ABCB4: variants seen among roughly 807,000 people sequenced by gnomAD.
The protein encoded by ABCB4 is ATP binding cassette subfamily B member 4, also known as phosphatidylcholine translocator ABCB4.
ABCB4 carries 76 observed loss-of-function variants against 145.7 expected under a neutral mutation model. The observed-to-expected ratio is 0.52, with a 90% CI of 0.43 to 0.63. ABCB4 has a LOEUF of 0.63. Among genes scored for constraint, ABCB4 ranks in the 30% least tolerant of loss-of-function variants. The pLI, the probability that ABCB4 is intolerant of heterozygous loss-of-function variation, is 0.00. For synonymous variants in ABCB4, 517 were observed against 566.8 expected, an observed-to-expected ratio of 0.91 and a Z score of 1.25; for missense variants, 1,234 against 1,553.1, an observed-to-expected ratio of 0.79 and a Z score of 3.45.
chr7:87,389,503 C>A, the ABCB4 span, among the ~76,000 whole-genome samples: 1 of 152,066 alleles, frequency 6.6e-6, no homozygotes, highest in East Asian at 1.9e-4. Flanking sequence ...AACCATCATT[C>A]TCAACAAACT....
chr7:87,369,719 T>A, the ABCB4 span: 1 of 189,772 alleles, frequency 5.3e-6, no homozygotes, highest in South Asian at 1.4e-4. Flanking sequence ...TATTACCAAT[T>A]CCATTCCCTG....
At position 87,417,306 on chromosome 7, in the gene ABCB4, A is replaced by C. The variant is rs1584694261; in HGVS notation, c.2682+6T>G. On this transcript the variant is annotated splice_donor_region_variant and intron_variant, in intron 21 of 27. Transcript: ENST00000649586. ...TTAACACCAATTGAAATCTTATTTG[A>C]CCTACCTTTCCAGCAGCTTCCAGTT... 6.2e-7 allele frequency: 1 copy of C among 1,613,778 alleles called. No homozygotes were observed. Among genetic ancestry groups the C allele is most frequent in the East Asian group, 2.2e-5 (1 of 44,842 alleles).
intron 15 of ABCB4, among the ~76,000 whole-genome samples, chr7:87,429,051 C>T (rs1163720469): frequency 6.6e-6 from 1 of 152,084 alleles, no homozygotes; most frequent in East Asian, 1.9e-4. Flanking sequence ...GAAACAATAC[C>T]AAAACAAGGG....
chr7:87,423,092 C>T (rs6957497), intron 17 of ABCB4, among the ~76,000 whole-genome samples: 2,248 of 152,124 alleles, frequency 0.015, 47 homozygotes, highest in African/African-American at 0.042. Context: ...AATTGTGGAT[C>T]GATGTCCAAC....
chr7:87,418,329 T>C (rs2116473992), intron 20 of ABCB4, among the ~76,000 whole-genome samples: 1 of 152,322 alleles, frequency 6.6e-6, no homozygotes, highest in Middle Eastern at 3.4e-3. Flanking sequence ...CCAAAGCCAA[T>C]GAGGGAACCT....
At chr7:87,403,366 T>C (rs1008811718) in intron 26 of ABCB4, 85 bp from the exon 27 acceptor site, 17 of 1,276,582 alleles carry the variant, frequency 1.3e-5, no homozygotes, top group Admixed American at 5.1e-5. Context: ...ACATTTAGAG[T>C]CAATAACAGT....
rs879131709 is a variant in ABCB4, at chr7:87,475,356, C to T, written c.80+30G>A. On this transcript the variant is annotated intron_variant, in intron 2 of 27. Transcript: ENST00000649586. ...CTTAGTCCTGCTGATTGGCGTGTAA[C>T]GGAAAAGCCAGTGGCTGCTGGGGAT... is the stretch of plus-strand genomic sequence containing the variant. 8 of 1,613,724 alleles carry T rather than the reference C, an allele frequency of 5.0e-6. No individual in the cohort carries two copies. The South Asian group carries it at 6.6e-5, about 13-fold the overall frequency.
the ABCB4 span, among the ~76,000 whole-genome samples, chr7:87,372,360 T>C: frequency 1.2e-4 from 18 of 152,352 alleles, no homozygotes; most frequent in African/African-American, 4.3e-4. Context: ...TTTGCTTTTG[T>C]ATCTTGGATA....
At chr7:87,450,629 C>G (rs1375265525) in intron 7 of ABCB4, among the ~76,000 whole-genome samples, 2 of 152,038 alleles carry the variant, frequency 1.3e-5, no homozygotes, top group Non-Finnish European at 2.9e-5. Context: ...CACCACCACG[C>G]CTGGCTAATT....
At chr7:87,472,567 C>T (rs1445951128) in intron 3 of ABCB4, 54 bp downstream of exon 3, 3 of 1,436,552 alleles carry the variant, frequency 2.1e-6, no homozygotes, top group Non-Finnish European at 2.9e-6. Context: ...TGATTCAATA[C>T]CTCAAATTTG....
chr7:87,369,805 C>T, the ABCB4 span: 1 of 149,146 alleles, frequency 6.7e-6, no homozygotes, highest in South Asian at 2.1e-4. Flanking sequence ...TACATGTATA[C>T]CTAGCTTAAA....
At chr7:87,405,929 G>C (rs1292798953) in intron 26 of ABCB4, 1 of 340,450 alleles carries the variant, frequency 2.9e-6, no homozygotes, top group Non-Finnish European at 5.6e-6. Flanking sequence ...GGGTACATAA[G>C]ATCTCTGTAT....
chr7:87,373,664 A>AG, the ABCB4 span, among the ~76,000 whole-genome samples: 6 of 152,212 alleles, frequency 3.9e-5, no homozygotes, highest in African/African-American at 1.4e-4. Flanking sequence ...AGAGATTGAG[A>AG]GAAAAAATGG....
chr7:87,384,004 C>T, the ABCB4 span, among the ~76,000 whole-genome samples: 4,056 of 151,782 alleles, frequency 0.027, 171 homozygotes, highest in African/African-American at 0.093. Flanking sequence ...TCAGACTGTT[C>T]GCCATAGTGG....
the ABCB4 span, among the ~76,000 whole-genome samples, chr7:87,380,395 G>GCCTATTT: frequency 6.6e-6 from 1 of 151,380 alleles, no homozygotes. Context: ...TAGATCCTTG[G>GCCTATTT]TAAGTACTGT....
the ABCB4 span, among the ~76,000 whole-genome samples, chr7:87,370,519 AGTT>A: frequency 6.6e-6 from 1 of 152,204 alleles, no homozygotes; most frequent in African/African-American, 2.4e-5. Context: ...ACAGAGAATC[AGTT>A]GTTCTAATTG....
At chr7:87,411,605 T>C (rs533880303) in intron 23 of ABCB4, among the ~76,000 whole-genome samples, 15 of 152,348 alleles carry the variant, frequency 9.8e-5, no homozygotes, top group African/African-American at 3.1e-4. Context: ...TTTCTGCCTA[T>C]ATTCTATAAT....
intron 7 of ABCB4, 96 bp downstream of exon 7, chr7:87,451,527 T>C (rs528016898): frequency 2.2e-6 from 3 of 1,335,102 alleles, no homozygotes; most frequent in Admixed American, 1.8e-5. Flanking sequence ...TGACATTTAA[T>C]GTAGACCTGA....
chr7:87,380,588 T>C, the ABCB4 span, among the ~76,000 whole-genome samples: 1 of 152,210 alleles, frequency 6.6e-6, no homozygotes, highest in Non-Finnish European at 1.5e-5. Context: ...ATATTGCCTC[T>C]GTGTAAGTGC....
Sources: gnomAD v4.1 joint callset for allele counts (sites outside exome capture counted in the v4.1 genomes callset) on GRCh38, gnomAD v4.1.1 for gene constraint, MANE v1.5 for transcripts, NCBI Gene and HGNC (gene_info 2026-07-23, HGNC 2026-07-21) for gene names.